The following C8orf34 variants were observed in gnomAD, a reference collection of about 807,000 sequenced individuals.
C8orf34 encodes uncharacterized protein C8orf34.
In C8orf34, 65 loss-of-function variants were observed where a neutral mutation model predicts 68.3. The ratio of observed to expected loss-of-function variants is 0.95; its 90% CI spans 0.78 to 1.17. C8orf34 has a LOEUF of 1.17. C8orf34 is among the 50% of genes most tolerant of loss of function. C8orf34 has a pLI of 0.00. For missense variants in C8orf34, 664 were observed against 655.4 expected, an observed-to-expected ratio of 1.01 and a Z score of -0.14; for synonymous variants, 244 against 241.2, an observed-to-expected ratio of 1.01 and a Z score of -0.11.
intron 10 of C8orf34, among the ~76,000 whole-genome samples, chr8:68,740,198 A>C (rs1822241596): frequency 6.6e-6 from 1 of 152,134 alleles, no homozygotes; most frequent in African/African-American, 2.4e-5. Flanking sequence ...AAACCAGCAA[A>C]AATTTCACGA....
At chr8:68,575,386 C>T (rs1387591876) in intron 7 of C8orf34, among the ~76,000 whole-genome samples, 1 of 151,976 alleles carries the variant, frequency 6.6e-6, no homozygotes, top group African/African-American at 2.4e-5. Flanking sequence ...CAACATTTAG[C>T]TCTATAAACC....
intron 10 of C8orf34, among the ~76,000 whole-genome samples, chr8:68,735,215 G>A (rs888138815): frequency 7.2e-5 from 11 of 152,188 alleles, no homozygotes; most frequent in African/African-American, 2.7e-4. Flanking sequence ...AGGCCAGGGA[G>A]TATGTACCTG....
rs867972896 is a variant in C8orf34, at chr8:68,774,012, C to A, written c.1405-2387C>A. Among the ~76,000 whole-genome samples the A allele has an allele frequency of 6.6e-5, 10 of 152,246 alleles. No homozygotes were observed. In the South Asian group the frequency reaches 8.3e-4, roughly 13 times the overall value. ...ACACATCGCCCTCTTCAGTGAGCGC[C>A]CAGAAACTGCTCTCCAGCATCTCTC... On this transcript the variant is annotated intron_variant, in intron 10 of 13. Transcript: ENST00000518698.
chr8:68,534,271 G>T, intron 7 of C8orf34: 3 of 985,338 alleles, frequency 3.0e-6, no homozygotes, highest in South Asian at 9.4e-5. Flanking sequence ...CATGCTGTTG[G>T]TCCCTTCCAA....
chr8:68,508,490 C>T (rs1024776075), intron 5 of C8orf34, among the ~76,000 whole-genome samples: 3 of 152,154 alleles, frequency 2.0e-5, no homozygotes, highest in Admixed American at 6.5e-5. Flanking sequence ...GCCATAGCTA[C>T]GTACTAATTT....
At chr8:68,445,173 T>C (rs969511988) in intron 2 of C8orf34, among the ~76,000 whole-genome samples, 15 of 152,170 alleles carry the variant, frequency 9.9e-5, no homozygotes, top group South Asian at 4.1e-4. Context: ...GGTGGACAAA[T>C]TGGGTAACAG....
chr8:68,700,128 G>T (rs1445296378), intron 8 of C8orf34, among the ~76,000 whole-genome samples: 1 of 152,028 alleles, frequency 6.6e-6, no homozygotes, highest in African/African-American at 2.4e-5. Context: ...CACAGCAAGA[G>T]TGCCTACCGA....
intron 1 of C8orf34, among the ~76,000 whole-genome samples, chr8:68,401,165 G>T (rs867046057): frequency 5.1e-5 from 7 of 137,146 alleles, no homozygotes; most frequent in Non-Finnish European, 6.2e-5. Flanking sequence ...TTCTTGATTT[G>T]GTTCTCAGCT....
At chr8:68,548,106 T>G (rs7826288) in intron 7 of C8orf34, among the ~76,000 whole-genome samples, 27,094 of 151,534 alleles carry the variant, frequency 0.18, 2,921 homozygotes, top group African/African-American at 0.31. Flanking sequence ...AGAAAATGTA[T>G]AATATATTCA....
chr8:68,585,656 TG>T (rs1817187439), intron 7 of C8orf34, among the ~76,000 whole-genome samples: 1 of 152,028 alleles, frequency 6.6e-6, no homozygotes, highest in African/African-American at 2.4e-5. Context: ...TTGCAGTCAG[TG>T]GGTCAGCCAG....
intron 7 of C8orf34, among the ~76,000 whole-genome samples, chr8:68,601,277 A>G (rs1817689768): frequency 1.3e-5 from 2 of 151,960 alleles, no homozygotes; most frequent in Non-Finnish European, 2.9e-5. Flanking sequence ...TCTTGAATCC[A>G]TAGGTTTATG....
At chr8:68,687,467 A>G (rs900534486) in intron 8 of C8orf34, among the ~76,000 whole-genome samples, 2 of 151,894 alleles carry the variant, frequency 1.3e-5, no homozygotes, top group African/African-American at 4.8e-5. Context: ...CAAATACTTA[A>G]AGCCAACTGA....
At chr8:68,365,124 G>A (rs1246583357) in intron 1 of C8orf34, among the ~76,000 whole-genome samples, 57 of 144,892 alleles carry the variant, frequency 3.9e-4, no homozygotes, top group South Asian at 1.4e-3. Flanking sequence ...ACACCTCTAC[G>A]CAAATAAACT....
At chr8:68,502,698 C>A (rs756447924) in intron 5 of C8orf34, among the ~76,000 whole-genome samples, 5 of 152,044 alleles carry the variant, frequency 3.3e-5, no homozygotes, top group Non-Finnish European at 7.3e-5. Flanking sequence ...TTTCTCTTTA[C>A]GGAAGTATTC....
At chr8:68,521,709 ACAGT>A (rs1189338566) in intron 5 of C8orf34, 86 bp from the exon 6 acceptor site, 24 of 1,133,100 alleles carry the variant, frequency 2.1e-5, no homozygotes, top group African/African-American at 1.6e-5. Flanking sequence ...AAAGCATTTG[ACAGT>A]CAAATATCTA....
chr8:68,737,854 A>G (rs1209583601), intron 10 of C8orf34, among the ~76,000 whole-genome samples: 1 of 152,056 alleles, frequency 6.6e-6, no homozygotes, highest in Non-Finnish European at 1.5e-5. Flanking sequence ...ACAGTTGTAA[A>G]TAGATCATCA....
intron 8 of C8orf34, among the ~76,000 whole-genome samples, chr8:68,649,251 A>T (rs1170459974): frequency 6.6e-6 from 1 of 152,210 alleles, no homozygotes; most frequent in African/African-American, 2.4e-5. Flanking sequence ...AGAGATATAA[A>T]CATTTAATTT....
chr8:68,480,567 T>C (rs567952928), intron 4 of C8orf34, among the ~76,000 whole-genome samples: 10 of 152,306 alleles, frequency 6.6e-5, no homozygotes, highest in Admixed American at 1.3e-4. Context: ...TGAAACTTCC[T>C]AGAAACTTGT....
chr8:68,816,895 T>C (rs1216224244), intron 13 of C8orf34, among the ~76,000 whole-genome samples: 10 of 152,118 alleles, frequency 6.6e-5, no homozygotes, highest in Non-Finnish European at 1.3e-4. Flanking sequence ...ATCTGTATAT[T>C]AGAAAGCTAT....
Sources: allele counts gnomAD v4.1 joint callset (sites outside exome capture counted in the v4.1 genomes callset), GRCh38; gene constraint gnomAD v4.1.1; transcripts MANE v1.5; gene names NCBI Gene and HGNC (gene_info 2026-07-23, HGNC 2026-07-21).